CCNY: variants seen among roughly 807,000 people sequenced by gnomAD.
The protein encoded by CCNY is cyclin-Y.
In CCNY, 19 loss-of-function variants were observed where a neutral mutation model predicts 42.8. The ratio of observed to expected loss-of-function variants is 0.44; its 90% CI spans 0.31 to 0.65. The LOEUF (loss-of-function observed/expected upper bound fraction) is 0.65. CCNY is among the 30% of genes least tolerant of loss of function. CCNY has a pLI of 0.07. For synonymous variants in CCNY, 165 were observed against 162.7 expected, an observed-to-expected ratio of 1.01 and a Z score of -0.11; for missense variants, 370 against 437.3, an observed-to-expected ratio of 0.85 and a Z score of 1.37.
intron 8 of CCNY, among the ~76,000 whole-genome samples, chr10:35,558,100 GT>G (rs1422706329): frequency 6.6e-6 from 1 of 152,214 alleles, no homozygotes; most frequent in Non-Finnish European, 1.5e-5. Context: ...CCCTGCTTCA[GT>G]TTGTTGAAAG....
At chr10:35,438,292 G>C (rs1838584613) in intron 1 of CCNY, among the ~76,000 whole-genome samples, 1 of 151,052 alleles carries the variant, frequency 6.6e-6, no homozygotes, top group Non-Finnish European at 1.5e-5. Context: ...GGGATTATAG[G>C]TGCACACCAC....
chr10:35,371,675 C>T (rs1316840515), intron 1 of CCNY, among the ~76,000 whole-genome samples: 2 of 152,124 alleles, frequency 1.3e-5, no homozygotes, highest in Non-Finnish European at 2.9e-5. Context: ...TGTAACTGTT[C>T]CCATGGCATG....
chr10:35,342,432 G>C (rs559528353), intron 1 of CCNY, among the ~76,000 whole-genome samples: 95 of 152,328 alleles, frequency 6.2e-4, no homozygotes, highest in African/African-American at 2.2e-3. Flanking sequence ...TAGCAGTGTG[G>C]AGAAGTGCAG....
chr10:35,313,924 C>T (rs1397013336), intron 3 of CCNY, among the ~76,000 whole-genome samples: 1 of 134,598 alleles, frequency 7.4e-6, no homozygotes, highest in South Asian at 2.3e-4. Flanking sequence ...TGCAGTGAGT[C>T]GTGATTGCAC....
At chr10:35,432,454 C>G (rs1838433818) in intron 1 of CCNY, among the ~76,000 whole-genome samples, 1 of 152,198 alleles carries the variant, frequency 6.6e-6, no homozygotes, top group African/African-American at 2.4e-5. Flanking sequence ...AAACTTTGAA[C>G]TTTAGTGAGA....
At chr10:35,405,246 T>C (rs1409388397) in intron 1 of CCNY, among the ~76,000 whole-genome samples, 4 of 152,114 alleles carry the variant, frequency 2.6e-5, no homozygotes, top group African/African-American at 4.8e-5. Context: ...TAAAGCATGC[T>C]GTGGGATGGG....
Position 35,477,123 on chromosome 10 carries a change from T to G in CCNY, c.155-6281T>G, listed in dbSNP as rs913995932. ...ATCTCTGAATAGACCAATAACAGGA[T>G]CTGAAATTGTGGCAATAATCAATAG... On this transcript the variant is annotated intron_variant, in intron 1 of 9. Coordinates refer to ENST00000374704, the MANE Select transcript of CCNY (RefSeq NM_145012.6). Among the ~76,000 whole-genome samples, 22 of 152,054 alleles carry G rather than the reference T, an allele frequency of 1.4e-4. 1 individual carries two copies. Among genetic ancestry groups the G allele is most frequent in the South Asian group, 6.2e-4 (3 of 4,814 alleles).
At position 35,377,731 on chromosome 10, in the gene CCNY, T is replaced by C. The variant is rs539853146; in HGVS notation, c.154+40524T>C. On this transcript the variant is annotated intron_variant, in intron 1 of 9. Transcript: ENST00000374704. ...AAAACTTGTAATAAAAATATACTAA[T>C]TTAAAAAATAACATTATAATGTAAC... is the stretch of plus-strand genomic sequence containing the variant. Among the ~76,000 whole-genome samples, 31 of 152,312 alleles carry C rather than the reference T, an allele frequency of 2.0e-4. 1 individual carries two copies. The South Asian group carries it at 6.4e-3, about 32-fold the overall frequency.
intron 3 of CCNY, among the ~76,000 whole-genome samples, chr10:35,511,813 G>T (rs1309798126): frequency 6.6e-6 from 1 of 152,214 alleles, no homozygotes; most frequent in African/African-American, 2.4e-5. Context: ...ATGTCCAAGT[G>T]TGGTGTGCAG....
intron 8 of CCNY, 87 bp from the exon 9 acceptor site, chr10:35,565,936 G>A (rs1457858470): frequency 1.5e-6 from 2 of 1,324,170 alleles, no homozygotes; most frequent in Non-Finnish European, 2.1e-6. Flanking sequence ...CAGTTTTCTG[G>A]AGTCTGGTCT....
chr10:35,483,241 G>T (rs927196644), intron 1 of CCNY, among the ~76,000 whole-genome samples, 163 bp from the exon 2 acceptor site: 6 of 152,160 alleles, frequency 3.9e-5, no homozygotes, highest in Admixed American at 3.3e-4. Flanking sequence ...CTAAATAGCA[G>T]TGTTCTGAAT....
intron 7 of CCNY, among the ~76,000 whole-genome samples, chr10:35,546,180 G>A (rs1589196322): frequency 6.6e-6 from 1 of 152,312 alleles, no homozygotes; most frequent in East Asian, 1.9e-4. Context: ...CAGATTTAAA[G>A]TCCAGAAAGA....
At chr10:35,278,407 A>G (rs1256875721) in intron 3 of CCNY, among the ~76,000 whole-genome samples, 1 of 151,418 alleles carries the variant, frequency 6.6e-6, no homozygotes, top group Non-Finnish European at 1.5e-5. Flanking sequence ...AGATCTGTCC[A>G]TACTCCGCCC....
intron 3 of CCNY, among the ~76,000 whole-genome samples, chr10:35,510,111 A>G (rs190493561): frequency 4.6e-4 from 70 of 152,292 alleles, no homozygotes; most frequent in Admixed American, 1.4e-3. Flanking sequence ...CCTCCTTAAG[A>G]TTAAAAAAAA....
At chr10:35,508,489 A>G (rs914994522) in intron 3 of CCNY, among the ~76,000 whole-genome samples, 1 of 152,156 alleles carries the variant, frequency 6.6e-6, no homozygotes, top group East Asian at 1.9e-4. Flanking sequence ...CTGGATAGCC[A>G]TTTCTCCAGG....
chr10:35,547,323 CTT>C (rs1841136802), intron 7 of CCNY, among the ~76,000 whole-genome samples: 1 of 152,090 alleles, frequency 6.6e-6, no homozygotes, highest in Admixed American at 6.5e-5. Context: ...TCTTGAGTGA[CTT>C]TCTTTTTTCC....
At chr10:35,548,232 A>G (rs755312104) in intron 7 of CCNY, among the ~76,000 whole-genome samples, 1 of 150,202 alleles carries the variant, frequency 6.7e-6, no homozygotes, top group Non-Finnish European at 1.5e-5. Context: ...CAGAGAAAAG[A>G]AAATGTTAAG....
At chr10:35,253,284 CTG>C (rs1439088342) in intron 3 of CCNY, among the ~76,000 whole-genome samples, 1 of 152,114 alleles carries the variant, frequency 6.6e-6, no homozygotes, top group Non-Finnish European at 1.5e-5. Context: ...GGATCTCACT[CTG>C]TCATCTAGGC....
Position 35,263,385 on chromosome 10 carries a change from T to C in CCNY, c.-9+12759T>C, listed in dbSNP as rs1216262194. Among the ~76,000 whole-genome samples the C allele has an allele frequency of 3.6e-5, 4 of 110,198 alleles. No individual in the cohort carries two copies. In the East Asian group the frequency reaches 1.0e-3, roughly 28 times the overall value. 72.3% of individuals were successfully genotyped at this position (110,198 alleles called of 152,430 possible). A position where few individuals can be genotyped will look rare whatever the true frequency, so the allele number is the denominator to read the frequency against. On this transcript the variant is annotated intron_variant, in intron 3 of 11. Coordinates refer to the CCNY transcript ENST00000374706. ...AAAAAAAAAAAAAAAAAAAAAAAAA[T>C]TAAAAATTAGCTGAGTGTGGTGGCA...
Sources: allele counts gnomAD v4.1 joint callset (sites outside exome capture counted in the v4.1 genomes callset), GRCh38; gene constraint gnomAD v4.1.1; transcripts MANE v1.5; gene names NCBI Gene and HGNC (gene_info 2026-07-23, HGNC 2026-07-21).